RNGTT: variants seen among roughly 807,000 people sequenced by gnomAD.
RNGTT encodes the protein RNA guanylyltransferase and 5'-phosphatase.
A neutral mutation model predicts 79.3 loss-of-function variants in RNGTT; 33 were observed. The ratio of observed to expected loss-of-function variants is 0.42; its 90% CI spans 0.32 to 0.56. RNGTT has a LOEUF of 0.56. Among genes scored for constraint, RNGTT ranks in the 20% least tolerant of loss-of-function variants. The probability of loss-of-function intolerance (pLI) is 0.17; values close to 1 mark genes in which losing one functional copy is unlikely to be tolerated. For synonymous variants in RNGTT, 222 were observed against 235.9 expected, an observed-to-expected ratio of 0.94 and a Z score of 0.54; for missense variants, 497 against 739.1, an observed-to-expected ratio of 0.67 and a Z score of 3.80.
chr6:88,689,873 T>TATAA (rs1367273316), intron 13 of RNGTT, among the ~76,000 whole-genome samples: 4 of 101,246 alleles, frequency 4.0e-5, no homozygotes, highest in African/African-American at 2.9e-4. Context: ...ACGTAACAAT[T>TATAA]ACAAAAAAAA....
rs528589927 is a variant in RNGTT at position 88,746,250 on chromosome 6, C to G, written c.1439+23524G>C. 2.2e-3 allele frequency among the ~76,000 whole-genome samples: 337 copies of G among 152,302 alleles called. 1 individual carries two copies. The highest frequency in any genetic ancestry group is 7.9e-3 in the African/African-American group (328 of 41,564). On this transcript the variant is annotated intron_variant, in intron 13 of 15. Coordinates refer to ENST00000369485, the MANE Select transcript of RNGTT (RefSeq NM_003800.5). ...GTTTCTTCACAACCAACTGGCTGCT[C>G]CCTGTGGTCCAGCTGTGGCCTGCCA...
chr6:88,683,658 G>C (rs756661794), intron 13 of RNGTT, among the ~76,000 whole-genome samples: 1 of 152,136 alleles, frequency 6.6e-6, no homozygotes, highest in Non-Finnish European at 1.5e-5. Context: ...ATTTTCAAAA[G>C]ACATGTGAAA....
At chr6:88,861,099 A>G (rs1187268682) in intron 8 of RNGTT, among the ~76,000 whole-genome samples, 1 of 152,142 alleles carries the variant, frequency 6.6e-6, no homozygotes, top group African/African-American at 2.4e-5. Context: ...TCTCATAAGA[A>G]TTCACTACCA....
intron 14 of RNGTT, among the ~76,000 whole-genome samples, chr6:88,628,931 T>G (rs928968951): frequency 6.6e-6 from 1 of 152,126 alleles, no homozygotes; most frequent in African/African-American, 2.4e-5. Flanking sequence ...AGGAGAGACA[T>G]GTGAACTCTC....
intron 6 of RNGTT, among the ~76,000 whole-genome samples, chr6:88,902,166 G>A (rs1425078133): frequency 6.6e-6 from 1 of 151,892 alleles, no homozygotes; most frequent in Non-Finnish European, 1.5e-5. Flanking sequence ...CAGCCTGGAT[G>A]ACAGAGTGAG....
intron 11 of RNGTT, among the ~76,000 whole-genome samples, chr6:88,817,489 GTA>G (rs1780350328): frequency 9.2e-5 from 1 of 10,894 alleles, no homozygotes. Flanking sequence ...AAAAAAATAA[GTA>G]AAAAAAAAAA....
At chr6:88,696,944 G>A (rs1359201370) in intron 13 of RNGTT, among the ~76,000 whole-genome samples, 1 of 152,100 alleles carries the variant, frequency 6.6e-6, no homozygotes, top group Non-Finnish European at 1.5e-5. Flanking sequence ...CTAAATTATA[G>A]TACTATGTCA....
intron 13 of RNGTT, among the ~76,000 whole-genome samples, chr6:88,734,602 C>T (rs1204295548): frequency 6.6e-6 from 1 of 152,010 alleles, no homozygotes; most frequent in Non-Finnish European, 1.5e-5. Flanking sequence ...CATAAAGATG[C>T]AGGTAAGTGA....
intron 13 of RNGTT, among the ~76,000 whole-genome samples, chr6:88,738,845 C>T (rs915844449): frequency 2.6e-5 from 4 of 151,180 alleles, no homozygotes; most frequent in African/African-American, 9.7e-5. Context: ...AAAATACACA[C>T]ACACACACAC....
intron 13 of RNGTT, among the ~76,000 whole-genome samples, chr6:88,700,034 T>C (rs951944507): frequency 2.0e-5 from 3 of 152,174 alleles, no homozygotes. Context: ...TTAATGCCAC[T>C]GATTTGTACA....
chr6:88,822,847 G>A (rs1780537739), intron 11 of RNGTT, among the ~76,000 whole-genome samples: 1 of 152,170 alleles, frequency 6.6e-6, no homozygotes, highest in African/African-American at 2.4e-5. Flanking sequence ...AGGAAAAGAA[G>A]TCTTTTCAAC....
At chr6:88,641,063 G>A (rs1442579747) in intron 14 of RNGTT, among the ~76,000 whole-genome samples, 1 of 152,026 alleles carries the variant, frequency 6.6e-6, no homozygotes, top group African/African-American at 2.4e-5. Flanking sequence ...ACGACCGGCC[G>A]GGTGCGGTGG....
At chr6:88,762,950 G>T (rs1778319379) in intron 13 of RNGTT, among the ~76,000 whole-genome samples, 1 of 151,898 alleles carries the variant, frequency 6.6e-6, no homozygotes, top group Non-Finnish European at 1.5e-5. Flanking sequence ...TTAAGGAAGG[G>T]TCTCACTCTG....
chr6:88,839,570 G>T (rs748036411), intron 11 of RNGTT, among the ~76,000 whole-genome samples: 1 of 150,262 alleles, frequency 6.7e-6, no homozygotes, highest in Non-Finnish European at 1.5e-5. Flanking sequence ...ACTCTGTTTC[G>T]AAAAAAAGAA....
At chr6:88,853,588 T>C (rs773624713) in intron 9 of RNGTT, 41 bp downstream of exon 9, 2 of 1,308,260 alleles carry the variant, frequency 1.5e-6, no homozygotes, top group Non-Finnish European at 2.1e-6. Context: ...AAAAGAAAAA[T>C]GGCAATGTTT....
At chr6:88,873,939 G>A (rs1782433208) in intron 8 of RNGTT, among the ~76,000 whole-genome samples, 1 of 152,058 alleles carries the variant, frequency 6.6e-6, no homozygotes, top group Admixed American at 6.6e-5. Flanking sequence ...CAAAATAACA[G>A]GACACTGCAA....
At position 88,930,157 on chromosome 6, in the gene RNGTT, C is replaced by A. The variant is rs545048417; in HGVS notation, c.175-890G>T. On this transcript the variant is annotated intron_variant, in intron 2 of 15. Coordinates refer to ENST00000369485, the MANE Select transcript of RNGTT (RefSeq NM_003800.5). Reference sequence around the variant, plus strand: ...ACATACATATACATATACGTACATACATATATACATATACATATATGTATA... The same window carrying A: ...ACATACATATACATATACGTACATAAATATATACATATACATATATGTATA... Among the ~76,000 whole-genome samples the A allele has an allele frequency of 1.7e-4, 25 of 147,264 alleles. No individual in the cohort carries two copies. In the East Asian group the frequency reaches 4.5e-3, roughly 27 times the overall value.
At chr6:88,619,763 A>AT (rs1491464903) in intron 14 of RNGTT, among the ~76,000 whole-genome samples, 1 of 152,212 alleles carries the variant, frequency 6.6e-6, no homozygotes, top group Non-Finnish European at 1.5e-5. Flanking sequence ...TTTTTTAAAC[A>AT]TATCTCAAGT....
intron 14 of RNGTT, among the ~76,000 whole-genome samples, chr6:88,630,764 T>C (rs1349754987): frequency 3.9e-5 from 6 of 152,084 alleles, no homozygotes; most frequent in Admixed American, 3.9e-4. Flanking sequence ...AAGTAACTCA[T>C]TCTTAGTTAC....
Sources: allele counts gnomAD v4.1 joint callset (sites outside exome capture counted in the v4.1 genomes callset), GRCh38; gene constraint gnomAD v4.1.1; transcripts MANE v1.5; gene names NCBI Gene and HGNC (gene_info 2026-07-23, HGNC 2026-07-21).